ADAM12: variants seen among roughly 807,000 people sequenced by gnomAD.
ADAM12 encodes disintegrin and metalloproteinase domain-containing protein 12.
ADAM12 carries 70 observed loss-of-function variants against 106.4 expected under a neutral mutation model. The observed-to-expected ratio is 0.66, with a 90% CI of 0.54 to 0.80. The LOEUF is 0.80. Among genes scored for constraint, ADAM12 ranks in the 30% least tolerant of loss-of-function variants. The pLI is 0.00. For missense variants in ADAM12, 1,010 were observed against 1,171.9 expected (o/e 0.86, Z 2.02); for synonymous variants, 420 against 433.5 (o/e 0.97, Z 0.39).
At chr10:126,042,344 G>T (rs1201809337) in intron 18 of ADAM12, 5 of 1,421,174 alleles carry the variant, frequency 3.5e-6, no homozygotes, top group Non-Finnish European at 4.7e-6. Flanking sequence ...CATCCGAGGA[G>T]AAATGGCCAC....
intron 3 of ADAM12, among the ~76,000 whole-genome samples, chr10:126,226,939 G>GCT (rs1565151450): frequency 6.6e-6 from 1 of 152,108 alleles, no homozygotes; most frequent in Non-Finnish European, 1.5e-5. Context: ...TTCCTGTTTT[G>GCT]CTCTCTGTTC....
rs540416165 is a variant in ADAM12 at position 126,352,028 on chromosome 10, T to G, written c.89-21519A>C. ...GGCCTCAAGCCTCAGAACCCAGCAC[T>G]CAACAGCACCCCTCAAAGGGCCAGA... On this transcript the variant is annotated intron_variant, in intron 1 of 22. Transcript: ENST00000448723. Among the ~76,000 whole-genome samples the G allele has an allele frequency of 2.6e-5, 4 of 152,188 alleles. No homozygotes were observed. In the East Asian group the frequency reaches 7.7e-4, roughly 29 times the overall value.
chr10:126,077,282 T>C (rs2133515905), intron 11 of ADAM12, among the ~76,000 whole-genome samples: 1 of 152,328 alleles, frequency 6.6e-6, no homozygotes, highest in East Asian at 1.9e-4. Flanking sequence ...AAATATTCCA[T>C]GCTCATGGAT....
At chr10:126,215,778 A>G (rs1565144353) in intron 3 of ADAM12, among the ~76,000 whole-genome samples, 1 of 152,200 alleles carries the variant, frequency 6.6e-6, no homozygotes, top group East Asian at 1.9e-4. Flanking sequence ...TAAATTGTGT[A>G]TTTGTCACCC....
chr10:126,215,431 C>T (rs1352399822), intron 3 of ADAM12, among the ~76,000 whole-genome samples: 1 of 152,140 alleles, frequency 6.6e-6, no homozygotes, highest in Non-Finnish European at 1.5e-5. Context: ...ACAGGGCCTT[C>T]CCCTTGAGGA....
At chr10:126,269,455 T>A (rs1371030179) in intron 3 of ADAM12, among the ~76,000 whole-genome samples, 1 of 152,150 alleles carries the variant, frequency 6.6e-6, no homozygotes, top group Non-Finnish European at 1.5e-5. Flanking sequence ...AATGAAAGCA[T>A]CATGGTCTTT....
intron 2 of ADAM12, among the ~76,000 whole-genome samples, chr10:126,301,059 G>T (rs1960600765): frequency 1.3e-5 from 2 of 152,234 alleles, no homozygotes; most frequent in Admixed American, 6.5e-5. Context: ...ATTTTTGGTT[G>T]TCTCAACAGG....
chr10:126,193,660 G>A (rs1410896274), intron 3 of ADAM12, among the ~76,000 whole-genome samples: 7 of 152,202 alleles, frequency 4.6e-5, no homozygotes, highest in Non-Finnish European at 1.0e-4. Flanking sequence ...ACTTTGGGAA[G>A]CTGAAGCGAG....
At chr10:126,366,978 T>TA in intron 1 of ADAM12, among the ~76,000 whole-genome samples, 1 of 152,244 alleles carries the variant, frequency 6.6e-6, no homozygotes, top group African/African-American at 2.4e-5. Flanking sequence ...CAACTTCAGT[T>TA]AAAGGTGTTA....
intron 3 of ADAM12, among the ~76,000 whole-genome samples, chr10:126,241,253 GT>G (rs1353489585): frequency 2.0e-5 from 3 of 152,212 alleles, no homozygotes; most frequent in African/African-American, 7.2e-5. Context: ...ACTTTAACAG[GT>G]TTGGGGGTTG....
intron 1 of ADAM12, among the ~76,000 whole-genome samples, chr10:126,377,387 C>T (rs4503448): frequency 0.15 from 22,796 of 152,104 alleles, 2,039 homozygotes; most frequent in Middle Eastern, 0.28. Context: ...GCCCGGAGTC[C>T]GATGTTCAAG....
chr10:126,261,866 G>A (rs529320475), intron 3 of ADAM12, among the ~76,000 whole-genome samples: 1 of 149,472 alleles, frequency 6.7e-6, no homozygotes, highest in East Asian at 2.0e-4. Context: ...GCAGCGGCGC[G>A]ATCTCCGCTC....
rs368078101 is a variant in ADAM12, at chr10:126,348,477, C to T, written c.89-17968G>A. Among the ~76,000 whole-genome samples, 154 of 152,184 alleles carry T rather than the reference C, an allele frequency of 1.0e-3. 6 individuals carry two copies. The South Asian group carries it at 0.031, about 30-fold the overall frequency. On this transcript the variant is annotated intron_variant, in intron 1 of 22. Coordinates refer to ENST00000448723, the MANE Select transcript of ADAM12 (RefSeq NM_001288973.2). The stretch of plus-strand genomic sequence containing the variant: ...CCTTTCCGAGTTATGCCCTCACCTC[C>T]GTGCTCTGCCTATACAATGTGGGAA...
At chr10:126,387,891 G>C (rs1019884830) in intron 1 of ADAM12, among the ~76,000 whole-genome samples, 167 bp downstream of exon 1, 7 of 99,400 alleles carry the variant, frequency 7.0e-5, no homozygotes, top group African/African-American at 2.2e-4. Flanking sequence ...TTGGCACCTG[G>C]GGGGGGGGGG....
At chr10:126,019,612 C>A (rs1460943680) in intron 22 of ADAM12, 83 bp downstream of exon 22, 11 of 1,543,678 alleles carry the variant, frequency 7.1e-6, no homozygotes, top group African/African-American at 1.4e-5. Context: ...GACCACTGCA[C>A]CCCTGTCCTG....
At chr10:126,037,043 A>G (rs1002910025) in intron 20 of ADAM12, among the ~76,000 whole-genome samples, 2 of 152,074 alleles carry the variant, frequency 1.3e-5, no homozygotes, top group African/African-American at 2.4e-5. Context: ...TCTCCCTCCA[A>G]TCATCAGTCT....
chr10:126,223,273 C>T (rs549503525), intron 3 of ADAM12, among the ~76,000 whole-genome samples: 6 of 152,138 alleles, frequency 3.9e-5, no homozygotes, highest in South Asian at 4.1e-4. Flanking sequence ...GACATAGATT[C>T]GAAGTTGATT....
intron 1 of ADAM12, among the ~76,000 whole-genome samples, chr10:126,357,642 C>A (rs570548352): frequency 6.6e-6 from 1 of 152,058 alleles, no homozygotes; most frequent in African/African-American, 2.4e-5. Flanking sequence ...TAGCAGAAGG[C>A]GAAGCAAACA....
rs1375671013 is a variant in ADAM12, at chr10:126,118,242, A to G, written c.417-18T>C. On this transcript the variant is annotated intron_variant, in intron 5 of 22. Coordinates refer to ENST00000448723, the MANE Select transcript of ADAM12 (RefSeq NM_001288973.2). ...TAAGTCCCCTGTTGAAAAAGAAACA[A>G]GAAAAAATATATAATTTTAAGGACA... 1.9e-6 allele frequency: 3 copies of G among 1,587,354 alleles called. No individual in the cohort carries two copies. In the South Asian group the frequency reaches 3.4e-5, roughly 18 times the overall value.
Sources: allele counts gnomAD v4.1 joint callset (sites outside exome capture counted in the v4.1 genomes callset), GRCh38; gene constraint gnomAD v4.1.1; transcripts MANE v1.5; gene names NCBI Gene and HGNC (gene_info 2026-07-23, HGNC 2026-07-21).